SEPTIN9: variants seen among roughly 807,000 people sequenced by gnomAD.
SEPTIN9 encodes septin 9, also known as septin-9.
Under a neutral mutation model 56.6 loss-of-function variants are expected in SEPTIN9, and 13 were observed. The ratio of observed to expected loss-of-function variants is 0.23; its 90% confidence interval spans 0.15 to 0.37. SEPTIN9 has a LOEUF of 0.37. Among genes scored for constraint, SEPTIN9 ranks in the 10% least tolerant of loss-of-function variants. The pLI is 1.00. For missense variants in SEPTIN9, 650 were observed against 823.1 expected (o/e 0.79, Z 2.57); for synonymous variants, 332 against 334.1 (o/e 0.99, Z 0.07).
chr17:77,461,918 A>G (rs926151443), intron 3 of SEPTIN9, among the ~76,000 whole-genome samples: 1 of 152,174 alleles, frequency 6.6e-6, no homozygotes, highest in Non-Finnish European at 1.5e-5. Flanking sequence ...GGAAAAGCGC[A>G]TGTGTCAGTT....
intron 3 of SEPTIN9, 93 bp from the exon 4 acceptor site, chr17:77,482,051 T>C (rs1486718477): frequency 8.1e-7 from 1 of 1,232,620 alleles, no homozygotes; most frequent in African/African-American, 1.5e-5. Flanking sequence ...GTGCCTCAGT[T>C]TCCCCATCCA....
intron 3 of SEPTIN9, among the ~76,000 whole-genome samples, chr17:77,419,050 C>G (rs1052772346): frequency 6.6e-6 from 1 of 152,228 alleles, no homozygotes; most frequent in Non-Finnish European, 1.5e-5. Flanking sequence ...CCTGCTTCCT[C>G]TAGCAGCCTG....
chr17:77,375,393 T>C (rs1057512909), intron 2 of SEPTIN9: 3 of 151,798 alleles, frequency 2.0e-5, no homozygotes, highest in African/African-American at 7.3e-5. Flanking sequence ...GGAAGAACTC[T>C]CGTGTCTCAA....
chr17:77,405,120 G>T lies in SEPTIN9; in HGVS notation c.721+2417G>T, dbSNP rs1036225158. On this transcript the variant is annotated intron_variant, in intron 3 of 11. Transcript: ENST00000427177. The surrounding 1 kb of genome is among the most constrained non-coding windows in gnomAD (Gnocchi z 5.8). ...GCTGGTGCTGGATGCACAGGGACGT[G>T]GTCCTGGCTCTGGGGGACAGGTAGG... The T allele has an allele frequency of 5.9e-6, 9 of 1,535,354 alleles. No homozygotes were observed. The highest frequency in any genetic ancestry group is 2.0e-5 in the Admixed American group (1 of 50,966).
chr17:77,372,876 G>A (rs926765984), intron 2 of SEPTIN9, among the ~76,000 whole-genome samples: 1 of 152,272 alleles, frequency 6.6e-6, no homozygotes, highest in Non-Finnish European at 1.5e-5. Context: ...CGCGTGCGCT[G>A]CCGTTTAACC....
In SEPTIN9 at chr17:77,402,667, C is replaced by T; in HGVS notation, c.685C>T (p.Pro229Ser). The change falls in exon 3 of 12, where the codon CCC (proline) becomes TCC (serine). Residue 229 changes from proline (P) to serine (S), a missense_variant. Transcript: ENST00000427177. The surrounding 1 kb of genome is among the most constrained non-coding windows in gnomAD (Gnocchi z 6.6). The stretch of plus-strand genomic sequence containing the variant: ...GAGCAGGCTGGAGCCCAAGCCCCAG[C>T]CCCCTGTGGCTGAGGCTACACCCCG... The part of the protein sequence containing the change: ...LQSRLEPKPQ[P>S]PVAEATPRSQ... 1.9e-6 allele frequency: 3 copies of T among 1,607,354 alleles called. No individual in the cohort carries two copies. Among genetic ancestry groups the T allele is most frequent in the South Asian group, 1.1e-5 (1 of 90,690 alleles).
intron 2 of SEPTIN9, among the ~76,000 whole-genome samples, chr17:77,350,701 T>C (rs574729236): frequency 6.6e-6 from 1 of 150,422 alleles, no homozygotes; most frequent in Admixed American, 6.6e-5. Flanking sequence ...AAGGTTGGGA[T>C]TGGAGCAGGC....
In SEPTIN9 at chr17:77,317,493, T is replaced by C. The variant is rs2032753817; in HGVS notation, c.76+10296T>C. 6.6e-6 allele frequency among the ~76,000 whole-genome samples: 1 copy of C among 152,206 alleles called. No individual in the cohort carries two copies. The highest frequency in any genetic ancestry group is 1.5e-5 in the Non-Finnish European group (1 of 68,038). On this transcript the variant is annotated intron_variant, in intron 2 of 11. Transcript: ENST00000427177. The surrounding 1 kb of genome is among the most constrained non-coding windows in gnomAD (Gnocchi z 4.2). ...AGTGAACCGTATTGTGAACGGCACA[T>C]GTGAGGGATCTAGGTTGCGTGCTTC...
intron 3 of SEPTIN9, among the ~76,000 whole-genome samples, chr17:77,466,176 C>G (rs533108230): frequency 6.6e-5 from 10 of 152,078 alleles, no homozygotes; most frequent in Non-Finnish European, 1.0e-4. Context: ...GCCTGTAAAG[C>G]GAAGGCCCTG....
chr17:77,479,415 G>A (rs1289160225), intron 3 of SEPTIN9, among the ~76,000 whole-genome samples: 1 of 152,234 alleles, frequency 6.6e-6, no homozygotes, highest in African/African-American at 2.4e-5. Flanking sequence ...GCGGGCTCTT[G>A]CATTGCTCTC....
In SEPTIN9 at chr17:77,319,320, AAGC is replaced by A. The variant is rs2032816860; in HGVS notation, c.76+12127_76+12129del. Among the ~76,000 whole-genome samples the A allele has an allele frequency of 1.3e-5, 2 of 152,168 alleles. No homozygotes were observed. The highest frequency in any genetic ancestry group is 1.3e-4 in the Admixed American group (2 of 15,290). ...GCTGGTGGGGACCCCCCAGGTAAGTAAGCAGCCTCTGAGGACCCCGGATGAACA... is the reference window on the plus strand; with the variant it reads ...GCTGGTGGGGACCCCCCAGGTAAGTAAGCCTCTGAGGACCCCGGATGAACA... On this transcript the variant is annotated intron_variant, in intron 2 of 11. Transcript: ENST00000427177. This position sits in a 1 kb window ranked among gnomAD's most constrained non-coding sequence, Gnocchi z 5.3.
At position 77,317,573 on chromosome 17, in the gene SEPTIN9, G is replaced by A. The variant is rs935180275; in HGVS notation, c.76+10376G>A. On this transcript the variant is annotated intron_variant, in intron 2 of 11. Transcript: ENST00000427177. This position sits in a 1 kb window ranked among gnomAD's most constrained non-coding sequence, Gnocchi z 4.2. Reference sequence around the variant, plus strand: ...CACCGTCTCCCATCACCACCAGATGGGACCGTCTGGTTGCAGGAAAATAAG... The same window carrying A: ...CACCGTCTCCCATCACCACCAGATGAGACCGTCTGGTTGCAGGAAAATAAG... 1.3e-5 allele frequency among the ~76,000 whole-genome samples: 2 copies of A among 152,034 alleles called. No individual in the cohort carries two copies. The highest frequency in any genetic ancestry group is 4.8e-5 in the African/African-American group (2 of 41,374).
intron 2 of SEPTIN9, among the ~76,000 whole-genome samples, chr17:77,361,859 C>G (rs1385165258): frequency 6.6e-6 from 1 of 152,088 alleles, no homozygotes; most frequent in Non-Finnish European, 1.5e-5. Context: ...GTCTCGATCT[C>G]TTGACCTCGT....
intron 1 of SEPTIN9, 137 bp downstream of exon 1, chr17:77,281,691 T>A: frequency 2.4e-6 from 2 of 819,742 alleles, no homozygotes; most frequent in South Asian, 3.6e-5. Flanking sequence ...CAGGTCGAGT[T>A]CCTCCCAGGA....
chr17:77,358,425 A>G (rs954526141), intron 2 of SEPTIN9, among the ~76,000 whole-genome samples: 2 of 152,246 alleles, frequency 1.3e-5, no homozygotes, highest in African/African-American at 2.4e-5. Context: ...GTTCAAGACC[A>G]GCCTGGCCAA....
intron 3 of SEPTIN9, among the ~76,000 whole-genome samples, chr17:77,412,347 C>T (rs530921618): frequency 6.6e-6 from 1 of 152,216 alleles, no homozygotes; most frequent in East Asian, 1.9e-4. Context: ...CTCGGTCAAG[C>T]GAGAGGGATT....
At chr17:77,395,333 C>A (rs1162885926) in intron 2 of SEPTIN9, among the ~76,000 whole-genome samples, 2 of 152,052 alleles carry the variant, frequency 1.3e-5, no homozygotes, top group Non-Finnish European at 2.9e-5. Context: ...TGAGACCATC[C>A]TGGCTAACAC....
chr17:77,348,553 G>A (rs569512406), intron 2 of SEPTIN9, among the ~76,000 whole-genome samples: 3 of 152,180 alleles, frequency 2.0e-5, no homozygotes, highest in Non-Finnish European at 4.4e-5. Flanking sequence ...GCCCACCCTG[G>A]CCTCCCAAAG....
In SEPTIN9 at chr17:77,482,139, C is replaced by T. The variant is rs759143174; in HGVS notation, c.722-5C>T. 22 of 1,560,208 alleles carry T rather than the reference C, an allele frequency of 1.4e-5. No individual in the cohort carries two copies. The South Asian group carries it at 2.6e-4, about 18-fold the overall frequency. On this transcript the variant is annotated splice_polypyrimidine_tract_variant and splice_region_variant and intron_variant, in intron 3 of 11. Transcript: ENST00000427177. ...GCTCTAACTCCTCTGCTGTTCCTTC[C>T]CCAGCCACTGAGGCGGCTCCCAGCT...
Sources: allele counts gnomAD v4.1 joint callset (sites outside exome capture counted in the v4.1 genomes callset), GRCh38; gene constraint gnomAD v4.1.1; non-coding constraint Gnocchi (gnomAD v3.1); transcripts MANE v1.5; gene names NCBI Gene and HGNC (gene_info 2026-07-23, HGNC 2026-07-21).